The following DLC1 variants were observed in gnomAD, a reference collection of about 807,000 sequenced individuals.
DLC1 encodes the protein DLC1 Rho GTPase activating protein, also known as rho GTPase-activating protein 7.
DLC1 carries 54 observed loss-of-function variants against 140.3 expected under a neutral mutation model. The observed-to-expected ratio is 0.38, with a 90% CI of 0.31 to 0.48. DLC1 has a LOEUF of 0.48. DLC1 is among the 20% of genes least tolerant of loss of function. DLC1 has a pLI of 0.96. For synonymous variants in DLC1, 986 were observed against 728.1 expected, an observed-to-expected ratio of 1.35 and a Z score of -5.70; for missense variants, 2,536 against 1,907.0, an observed-to-expected ratio of 1.33 and a Z score of -6.14.
intron 5 of DLC1, among the ~76,000 whole-genome samples, chr8:13,253,429 T>TTGTG (rs1208993676): frequency 6.3e-4 from 81 of 129,102 alleles, no homozygotes; most frequent in African/African-American, 2.2e-3. Flanking sequence ...AAAATACATA[T>TTGTG]TATGTGTGTG....
intron 4 of DLC1, among the ~76,000 whole-genome samples, chr8:13,375,472 C>T (rs1028138612): frequency 2.0e-5 from 3 of 152,172 alleles, no homozygotes; most frequent in African/African-American, 7.2e-5. Context: ...AATTTGACTT[C>T]CTCTTTTCCT....
chr8:13,459,620 C>A lies in DLC1; in HGVS notation c.1023+39429G>T, dbSNP rs79808988. On this transcript the variant is annotated intron_variant, in intron 2 of 17. Transcript: ENST00000276297. ...AGTGGTGAGCCCTGGGCCCCAGGAC[C>A]CCCAGTTCTGCCACTCCAGCATGGT... Among the ~76,000 whole-genome samples the A allele has an allele frequency of 5.6e-3, 847 of 152,174 alleles. 6 individuals carry two copies. Among genetic ancestry groups the A allele is most frequent in the Non-Finnish European group, 9.8e-3 (669 of 68,016 alleles).
At chr8:13,532,909 G>A (rs77871412) in intron 1 of DLC1, among the ~76,000 whole-genome samples, 2,832 of 152,150 alleles carry the variant, frequency 0.019, 94 homozygotes, top group African/African-American at 0.065. Context: ...AATGATATAA[G>A]TTAAAAGGCA....
At chr8:13,437,933 C>A (rs889700999) in intron 2 of DLC1, among the ~76,000 whole-genome samples, 1 of 150,762 alleles carries the variant, frequency 6.6e-6, no homozygotes. Context: ...TAAAACTGTC[C>A]AGGAAACTAA....
chr8:13,461,448 C>G (rs1329857535), intron 2 of DLC1, among the ~76,000 whole-genome samples: 1 of 152,182 alleles, frequency 6.6e-6, no homozygotes, highest in East Asian at 1.9e-4. Flanking sequence ...CCCCTTCTGT[C>G]CTTGCCCTGC....
rs904104551 is a variant in DLC1, at chr8:13,100,596, T to G, written c.1741A>C (p.Thr581Pro). 1 of 1,613,764 alleles carries G rather than the reference T, an allele frequency of 6.2e-7. No individual in the cohort carries two copies. The highest frequency in any genetic ancestry group is 1.3e-5 in the African/African-American group (1 of 74,888). The stretch of plus-strand genomic sequence containing the variant: ...TGGCGCTCGCTGAGGTCCATCAGCG[T>G]GCCTCCGGGGCTGGGGCCGTCCTTC... ...HPKDGPSPGG[T>P]LMDLSERQEV... Residue 581 changes from threonine to proline, a missense_variant, in exon 9 of 18, where the codon ACG (threonine) becomes CCG (proline). Transcript: ENST00000276297.
In DLC1 at chr8:13,299,994, G is replaced by T. The variant is rs191103762; in HGVS notation, c.1348+5275C>A. Among the ~76,000 whole-genome samples, 6 of 152,276 alleles carry T rather than the reference G, an allele frequency of 3.9e-5. No individual in the cohort carries two copies. In the East Asian group the frequency reaches 1.2e-3, roughly 29 times the overall value. On this transcript the variant is annotated intron_variant, in intron 5 of 17. Coordinates refer to ENST00000276297, the MANE Select transcript of DLC1 (RefSeq NM_182643.3). Reference sequence around the variant, plus strand: ...AGATACATGCACACATATGTTCATTGCAGCACTATTCACAATAGCAAAGAC... The same window carrying T: ...AGATACATGCACACATATGTTCATTTCAGCACTATTCACAATAGCAAAGAC...
intron 4 of DLC1, among the ~76,000 whole-genome samples, chr8:13,370,635 A>C (rs1373086288): frequency 1.3e-5 from 2 of 152,234 alleles, no homozygotes; most frequent in African/African-American, 2.4e-5. Flanking sequence ...GGCTGGCTTC[A>C]GGTGTGGCTG....
rs71207138 is a variant in DLC1, at chr8:13,295,942, G to GTTT, written c.1348+9324_1348+9326dup. Among the ~76,000 whole-genome samples the GTTT allele has an allele frequency of 8.4e-3, 614 of 72,862 alleles. 157 individuals are homozygous for GTTT. Among genetic ancestry groups the GTTT allele is most frequent in the East Asian group, 0.016 (28 of 1,766 alleles). The allele number at this position is 72,862 out of a possible 152,430, so 47.8% of individuals were successfully genotyped here. A position where few individuals can be genotyped will look rare whatever the true frequency, so the allele number is the denominator to read the frequency against. ...AAGAGATGATCAGATAAGATTCTTT[G>GTTT]TTTTTTTTTTTTTTTTTTTTTTTTT... On this transcript the variant is annotated intron_variant, in intron 5 of 17. Coordinates refer to ENST00000276297, the MANE Select transcript of DLC1 (RefSeq NM_182643.3).
At chr8:13,140,899 C>T (rs1822929333) in intron 5 of DLC1, among the ~76,000 whole-genome samples, 1 of 152,078 alleles carries the variant, frequency 6.6e-6, no homozygotes, top group African/African-American at 2.4e-5. Context: ...TTCTAGCTGT[C>T]TTATTTTTCT....
chr8:13,188,603 CTT>C (rs769280491), intron 5 of DLC1, among the ~76,000 whole-genome samples: 6 of 116,176 alleles, frequency 5.2e-5, no homozygotes, highest in East Asian at 2.3e-4. Flanking sequence ...ATGTCTATTA[CTT>C]TTTTTTTTTT....
chr8:13,098,538 G>T lies in DLC1; in HGVS notation c.3028C>A (p.Arg1010=), dbSNP rs772364624. 1 of 1,614,186 alleles carries T rather than the reference G, an allele frequency of 6.2e-7. No homozygotes were observed. Among genetic ancestry groups the T allele is most frequent in the Non-Finnish European group, 8.5e-7 (1 of 1,180,006 alleles). The change falls in exon 10 of 18, where the codon CGG becomes AGG. Residue 1010 remains arginine, a synonymous_variant. Coordinates refer to ENST00000276297, the MANE Select transcript of DLC1 (RefSeq NM_182643.3). ...LRWHSFQSSH[R]PSLNSVSLQI... ...AGTGATACAGAGTTGAGGCTTGGCC[G>T]ATGTGAGCTCTGGAAACTGTGCCAT...
At chr8:13,313,080 G>T (rs982919261) in intron 4 of DLC1, among the ~76,000 whole-genome samples, 3 of 152,100 alleles carry the variant, frequency 2.0e-5, no homozygotes, top group Admixed American at 6.5e-5. Flanking sequence ...CCTTCTCACA[G>T]GATTTCCTGG....
chr8:13,330,735 G>A (rs1169018061), intron 4 of DLC1, among the ~76,000 whole-genome samples: 1 of 152,162 alleles, frequency 6.6e-6, no homozygotes, highest in African/African-American at 2.4e-5. Context: ...TACTACATCT[G>A]TCTTTCCTCA....
At chr8:13,340,974 T>G (rs1472674367) in intron 4 of DLC1, 3 of 152,232 alleles carry the variant, frequency 2.0e-5, no homozygotes, top group Admixed American at 1.3e-4. Context: ...CATGTCATGG[T>G]GCTGACAAAG....
intron 1 of DLC1, among the ~76,000 whole-genome samples, chr8:13,523,416 C>T (rs1435134204): frequency 1.3e-5 from 2 of 152,020 alleles, no homozygotes; most frequent in Non-Finnish European, 2.9e-5. Context: ...AGACAGAGTT[C>T]AGAATTTTAG....
At position 13,159,483 on chromosome 8, in the gene DLC1, C is replaced by T. The variant is rs1379176976; in HGVS notation, c.1349-43826G>A. On this transcript the variant is annotated intron_variant, in intron 5 of 17. Coordinates refer to ENST00000276297, the MANE Select transcript of DLC1 (RefSeq NM_182643.3). ...TGGAGAGAGGACTTAGTGGGCTCTC[C>T]GGGCTCTGTGCCCTCTCCCTTGCTG... Among the ~76,000 whole-genome samples the T allele has an allele frequency of 2.6e-5, 4 of 152,128 alleles. 1 individual carries two copies. The highest frequency in any genetic ancestry group is 2.6e-4 in the Admixed American group (4 of 15,264).
intron 5 of DLC1, among the ~76,000 whole-genome samples, chr8:13,123,293 G>T (rs951950121): frequency 2.0e-5 from 3 of 151,838 alleles, no homozygotes; most frequent in African/African-American, 7.3e-5. Flanking sequence ...CAGCCACACC[G>T]GCCTCCTCTC....
At chr8:13,478,717 A>G (rs528970406) in intron 2 of DLC1, among the ~76,000 whole-genome samples, 2 of 152,202 alleles carry the variant, frequency 1.3e-5, no homozygotes, top group Non-Finnish European at 2.9e-5. Flanking sequence ...TCAGCTTCCA[A>G]TATAATGTTC....
Sources: gnomAD v4.1 joint callset for allele counts (sites outside exome capture counted in the v4.1 genomes callset) on GRCh38, gnomAD v4.1.1 for gene constraint, MANE v1.5 for transcripts, NCBI Gene and HGNC (gene_info 2026-07-23, HGNC 2026-07-21) for gene names.